The following RIMS1 variants were observed in gnomAD, a reference collection of about 807,000 sequenced individuals.
The protein encoded by RIMS1 is regulating synaptic membrane exocytosis protein 1.
A neutral mutation model predicts 214.1 loss-of-function variants in RIMS1; 83 were observed. The observed-to-expected ratio is 0.39, with a 90% CI of 0.32 to 0.47. The LOEUF (loss-of-function observed/expected upper bound fraction) is 0.47. Ranked by LOEUF, RIMS1 falls within the 20% of genes least tolerant of loss-of-function variation. The pLI is 0.99. For missense variants in RIMS1, 2,050 were observed against 2,161.8 expected (o/e 0.95, Z 1.03); for synonymous variants, 793 against 786.8 (o/e 1.01, Z -0.13).
chr6:72,275,812 T>C (rs968628331), intron 23 of RIMS1, among the ~76,000 whole-genome samples: 2 of 152,216 alleles, frequency 1.3e-5, no homozygotes, highest in African/African-American at 4.8e-5. Flanking sequence ...TAAAAACTTA[T>C]TGTACCCCTA....
Position 72,399,016 on chromosome 6 carries a change from A to T in RIMS1, c.4782A>T (p.Arg1594Ser), listed in dbSNP as rs763952135. 7 of 1,610,768 alleles carry T rather than the reference A, an allele frequency of 4.3e-6. No homozygotes were observed. The African/African-American group carries it at 9.4e-5, about 22-fold the overall frequency. The change falls in exon 33 of 34, where the codon AGA (arginine) becomes AGT (serine). Residue 1594 changes from arginine to serine, a missense_variant. Coordinates refer to ENST00000521978, the MANE Select transcript of RIMS1 (RefSeq NM_014989.7). ...NGACIAKKKTRIARKTLDPLY... is the reference protein window; with the variant it reads ...NGACIAKKKTSIARKTLDPLY... ...CCTGTATAGCCAAGAAGAAGACAAG[A>T]ATTGCACGAAAAACCCTTGATCCTT...
chr6:72,073,716 C>T (rs954420099), intron 2 of RIMS1, among the ~76,000 whole-genome samples: 1 of 152,162 alleles, frequency 6.6e-6, no homozygotes, highest in African/African-American at 2.4e-5. Flanking sequence ...AAGTATTCTA[C>T]TCACTGATGA....
intron 19 of RIMS1, chr6:72,263,374 C>T (rs2078919705): frequency 2.0e-6 from 2 of 983,254 alleles, no homozygotes; most frequent in African/African-American, 1.7e-5. Context: ...TGTTACCACA[C>T]ACCCCTGTTA....
At chr6:72,368,457 T>TG in intron 29 of RIMS1, among the ~76,000 whole-genome samples, 1 of 149,676 alleles carries the variant, frequency 6.7e-6, no homozygotes, top group Middle Eastern at 3.4e-3. Flanking sequence ...CCCAGATAAT[T>TG]TTTTTTTTTT....
chr6:72,027,803 C>G (rs1816968583), intron 2 of RIMS1, among the ~76,000 whole-genome samples: 1 of 151,998 alleles, frequency 6.6e-6, no homozygotes, highest in South Asian at 2.1e-4. Context: ...ATTAGAAACT[C>G]AAGGATTATC....
At chr6:72,081,955 C>G (rs1833523177) in intron 2 of RIMS1, among the ~76,000 whole-genome samples, 1 of 152,114 alleles carries the variant, frequency 6.6e-6, no homozygotes, top group Non-Finnish European at 1.5e-5. Flanking sequence ...AAAATTACAT[C>G]TTGTCACTTG....
chr6:72,005,174 T>C (rs997111418), intron 2 of RIMS1, among the ~76,000 whole-genome samples: 2 of 152,332 alleles, frequency 1.3e-5, no homozygotes, highest in East Asian at 1.9e-4. Context: ...AAAGATCAGA[T>C]AGTTTTAGAT....
intron 2 of RIMS1, among the ~76,000 whole-genome samples, chr6:71,998,910 C>A (rs770619940): frequency 7.2e-5 from 11 of 151,998 alleles, no homozygotes; most frequent in Non-Finnish European, 1.5e-4. Context: ...ATGAATTTGC[C>A]TCTTTCAATA....
intron 6 of RIMS1, chr6:72,216,783 G>A (rs1319579167): frequency 3.5e-5 from 35 of 989,096 alleles, no homozygotes; most frequent in Non-Finnish European, 4.1e-5. Flanking sequence ...GGACCACAAC[G>A]TTTCATCTCT....
At chr6:72,072,129 T>C (rs747160981) in intron 2 of RIMS1, among the ~76,000 whole-genome samples, 4 of 152,202 alleles carry the variant, frequency 2.6e-5, no homozygotes, top group Admixed American at 1.3e-4. Flanking sequence ...GTCAGGATGA[T>C]GTTGAAGGGA....
At chr6:72,190,538 C>T (rs1031462070) in intron 6 of RIMS1, among the ~76,000 whole-genome samples, 15 of 150,868 alleles carry the variant, frequency 9.9e-5, no homozygotes, top group Non-Finnish European at 1.5e-5. Flanking sequence ...AGCTGTCCGC[C>T]TTCATTTGGT....
Position 72,250,365 on chromosome 6 carries a change from G to T in RIMS1, c.2277G>T (p.Leu759=). Residue 759 remains leucine (L), a synonymous_variant, in exon 13 of 34, where the codon CTG becomes CTT. Transcript: ENST00000521978. ...GGTATGATAAAGTGGGACACCAGCT[G>T]ATTGTAAATGTTCTGCAAGCAACAG... is the stretch of plus-strand genomic sequence containing the variant. ...KLWYDKVGHQ[L]IVNVLQATDL... The T allele has an allele frequency of 6.2e-7, 1 of 1,610,094 alleles. No individual in the cohort carries two copies. Among genetic ancestry groups the T allele is most frequent in the Non-Finnish European group, 8.5e-7 (1 of 1,177,956 alleles).
intron 28 of RIMS1, among the ~76,000 whole-genome samples, chr6:72,331,156 A>T (rs1186752306): frequency 6.6e-6 from 1 of 151,812 alleles, no homozygotes; most frequent in African/African-American, 2.4e-5. Flanking sequence ...ATAATAAAAT[A>T]TGATAGTAGA....
intron 2 of RIMS1, among the ~76,000 whole-genome samples, chr6:72,041,044 A>G (rs1821300253): frequency 6.6e-6 from 1 of 151,924 alleles, no homozygotes; most frequent in Non-Finnish European, 1.5e-5. Flanking sequence ...TTAGAGTATA[A>G]TGACTGACTT....
chr6:72,037,204 A>T (rs1819881795), intron 2 of RIMS1, among the ~76,000 whole-genome samples: 1 of 151,954 alleles, frequency 6.6e-6, no homozygotes, highest in Admixed American at 6.6e-5. Flanking sequence ...GGAGGATTTT[A>T]GCAGCTCGTG....
chr6:72,093,616 G>A (rs556554573), intron 2 of RIMS1, among the ~76,000 whole-genome samples: 20 of 151,618 alleles, frequency 1.3e-4, no homozygotes, highest in Non-Finnish European at 1.9e-4. Context: ...GTCTTTTGAT[G>A]ATACTTCTTG....
rs1233906052 is a variant in RIMS1, at chr6:72,182,622, C to T, written c.1151C>T (p.Ala384Val). ...CGCATGCACGCCCGGGTGTCCCGCG[C>T]CAGGCACGAGCGGCGCCACAGCGAC... ...QMRMHARVSR[A>V]RHERRHSDVA... The change falls in exon 6 of 34, where the codon GCC becomes GTC. Residue 384 changes from alanine to valine, a missense_variant. Around this residue, in one of 6 missense-constraint regions of RIMS1, gnomAD observed 882 missense variants for 828.9 expected, o/e 1.06. Transcript: ENST00000521978. The T allele has an allele frequency of 1.5e-5, 23 of 1,546,084 alleles. No homozygotes were observed. Among genetic ancestry groups the T allele is most frequent in the Non-Finnish European group, 2.0e-5 (23 of 1,145,614 alleles).
Position 72,160,313 on chromosome 6 carries a change from A to G in RIMS1, c.472-19262A>G, listed in dbSNP as rs540656674. Among the ~76,000 whole-genome samples, 38 of 139,882 alleles carry G rather than the reference A, an allele frequency of 2.7e-4. 1 individual carries two copies. The highest frequency in any genetic ancestry group is 8.6e-4 in the African/African-American group (35 of 40,552). 91.8% of individuals were successfully genotyped at this position (139,882 alleles called of 152,430 possible). A position where few individuals can be genotyped will look rare whatever the true frequency, so the allele number is the denominator to read the frequency against. On this transcript the variant is annotated intron_variant, in intron 4 of 33. Coordinates refer to ENST00000521978, the MANE Select transcript of RIMS1 (RefSeq NM_014989.7). Reference sequence around the variant, plus strand: ...GACAATGGGGTTTTCTAGATATACAATCATGTCATCTGCCAACAGGGACAA... The same window carrying G: ...GACAATGGGGTTTTCTAGATATACAGTCATGTCATCTGCCAACAGGGACAA...
chr6:72,181,262 G>C (rs2048359347), intron 5 of RIMS1, among the ~76,000 whole-genome samples: 3 of 152,174 alleles, frequency 2.0e-5, no homozygotes, highest in Admixed American at 2.0e-4. Flanking sequence ...GGAGTTGTAG[G>C]GGAGCTACAC....
Sources: gnomAD v4.1 joint callset for allele counts (sites outside exome capture counted in the v4.1 genomes callset) on GRCh38, gnomAD v4.1.1 for gene constraint, gnomAD v4.1.1 regional missense constraint, MANE v1.5 for transcripts, NCBI Gene and HGNC (gene_info 2026-07-23, HGNC 2026-07-21) for gene names.